PUS10: variants seen among roughly 807,000 people sequenced by gnomAD.
PUS10 encodes the protein pseudouridine synthase 10.
Under a neutral mutation model 75.0 loss-of-function variants are expected in PUS10, and 59 were observed. The ratio of observed to expected loss-of-function variants is 0.79; its 90% confidence interval spans 0.64 to 0.98. PUS10 has a LOEUF of 0.98. PUS10 is among the 50% of genes least tolerant of loss of function. The pLI is 0.00. For synonymous variants in PUS10, 219 were observed against 211.6 expected (o/e 1.03, Z -0.30); for missense variants, 650 against 614.4 (o/e 1.06, Z -0.61).
chr2:60,945,921 T>C (rs1000038355), intron 16 of PUS10, among the ~76,000 whole-genome samples: 1 of 152,216 alleles, frequency 6.6e-6, no homozygotes, highest in Non-Finnish European at 1.5e-5. Context: ...TAGAAAATAA[T>C]TAATGGAACT....
At chr2:60,961,997 A>G (rs1018540126) in intron 9 of PUS10, among the ~76,000 whole-genome samples, 5 of 152,268 alleles carry the variant, frequency 3.3e-5, no homozygotes, top group African/African-American at 1.2e-4. Context: ...GAAAACTTAC[A>G]GTAATATTTT....
chr2:60,973,184 A>G (rs1676798076), intron 4 of PUS10, among the ~76,000 whole-genome samples: 2 of 152,216 alleles, frequency 1.3e-5, no homozygotes, highest in Non-Finnish European at 2.9e-5. Context: ...GCACCCGGCC[A>G]AAGGCACAGC....
chr2:60,971,189 A>T (rs7605656), intron 5 of PUS10, among the ~76,000 whole-genome samples: 13,414 of 151,516 alleles, frequency 0.089, 1,878 homozygotes, highest in African/African-American at 0.3. Context: ...CAAAAAAAAA[A>T]AATAATAATA....
chr2:60,967,317 A>G (rs770092007), intron 6 of PUS10, 185 bp downstream of exon 6: 1 of 458,498 alleles, frequency 2.2e-6, no homozygotes, highest in Non-Finnish European at 3.8e-6. Flanking sequence ...TCTAAGGGAA[A>G]AAGAAAAAAA....
rs1674638830 is a variant in PUS10 at position 60,941,780 on chromosome 2, A to T, written c.*615T>A. ...CCTATATTGACAATTTTAGATTGTCAAAATTCTTTCTTAATGAAAGTATTA... is the reference window on the plus strand; with the variant it reads ...CCTATATTGACAATTTTAGATTGTCTAAATTCTTTCTTAATGAAAGTATTA... On this transcript the variant is annotated 3_prime_UTR_variant, in exon 18 of 18. Coordinates refer to ENST00000316752, the MANE Select transcript of PUS10 (RefSeq NM_144709.4). 6.6e-6 allele frequency: 1 copy of T among 152,328 alleles called. No homozygotes were observed. The highest frequency in any genetic ancestry group is 1.5e-5 in the Non-Finnish European group (1 of 68,034). The allele number at this position is 152,328 out of a possible 1,614,324, so 9.4% of individuals were successfully genotyped here.
intron 4 of PUS10, among the ~76,000 whole-genome samples, chr2:60,992,006 G>A (rs1678115598): frequency 6.6e-6 from 1 of 150,942 alleles, no homozygotes; most frequent in African/African-American, 2.4e-5. Context: ...TTACTCAACA[G>A]AAGCACTTTT....
At chr2:60,977,065 T>C (rs984043648) in intron 4 of PUS10, among the ~76,000 whole-genome samples, 5 of 152,178 alleles carry the variant, frequency 3.3e-5, no homozygotes, top group Admixed American at 6.5e-5. Flanking sequence ...ATGGGGCAGT[T>C]GAATAAGTGC....
intron 4 of PUS10, among the ~76,000 whole-genome samples, chr2:60,999,421 C>G (rs762273823): frequency 5.3e-5 from 8 of 152,040 alleles, no homozygotes; most frequent in Non-Finnish European, 1.0e-4. Flanking sequence ...TCGAGACCAG[C>G]CTTGGCAACA....
intron 4 of PUS10, among the ~76,000 whole-genome samples, chr2:60,986,559 T>G (rs956032849): frequency 2.2e-4 from 33 of 152,210 alleles, no homozygotes; most frequent in African/African-American, 7.7e-4. Context: ...TTTCTTAAAA[T>G]TATATGAATT....
chr2:60,943,369 G>A (rs931914919), intron 17 of PUS10, among the ~76,000 whole-genome samples: 1 of 151,058 alleles, frequency 6.6e-6, no homozygotes, highest in African/African-American at 2.4e-5. Flanking sequence ...ACAAAACCTT[G>A]ATCTTTGAGT....
intron 4 of PUS10, among the ~76,000 whole-genome samples, chr2:60,984,514 A>T (rs951402681): frequency 6.6e-6 from 1 of 152,196 alleles, no homozygotes; most frequent in Non-Finnish European, 1.5e-5. Flanking sequence ...ACCTATCACA[A>T]TTCTAAATCT....
chr2:60,974,124 C>G (rs1029198451), intron 4 of PUS10, among the ~76,000 whole-genome samples: 2 of 151,858 alleles, frequency 1.3e-5, no homozygotes, highest in Admixed American at 1.3e-4. Context: ...GAGAGCTGAA[C>G]ACTTATCGGG....
chr2:60,998,848 T>C (rs1678658006), intron 4 of PUS10: 1 of 152,134 alleles, frequency 6.6e-6, no homozygotes. Context: ...GTAGAAATGG[T>C]AGTGCTTTTA....
chr2:61,009,575 T>C (rs914859617), intron 2 of PUS10, among the ~76,000 whole-genome samples: 1 of 152,180 alleles, frequency 6.6e-6, no homozygotes, highest in African/African-American at 2.4e-5. Context: ...TAGCATATGA[T>C]TACAAACCAT....
At chr2:60,994,093 C>A (rs749721771) in intron 4 of PUS10, among the ~76,000 whole-genome samples, 4 of 151,644 alleles carry the variant, frequency 2.6e-5, no homozygotes, top group Non-Finnish European at 5.9e-5. Flanking sequence ...CCGGCCAGAT[C>A]GACACTTCGT....
chr2:60,972,835 A>C (rs1371177002), intron 4 of PUS10, among the ~76,000 whole-genome samples: 1 of 152,228 alleles, frequency 6.6e-6, no homozygotes, highest in Non-Finnish European at 1.5e-5. Flanking sequence ...AAGACTGATG[A>C]TCACTTGGAA....
chr2:60,981,334 G>T (rs1677376992), intron 4 of PUS10, among the ~76,000 whole-genome samples: 1 of 152,046 alleles, frequency 6.6e-6, no homozygotes, highest in South Asian at 2.1e-4. Flanking sequence ...CCAGGCTGGA[G>T]TGCAACAGCA....
chr2:60,999,085 GAA>G (rs1476780459), intron 4 of PUS10, among the ~76,000 whole-genome samples: 10 of 152,238 alleles, frequency 6.6e-5, no homozygotes, highest in South Asian at 2.1e-4. Flanking sequence ...CACTACCCAT[GAA>G]AAGAGACCAA....
chr2:60,955,433 A>C (rs1322745188), intron 11 of PUS10, among the ~76,000 whole-genome samples: 4 of 152,038 alleles, frequency 2.6e-5, no homozygotes. Flanking sequence ...GGGCCCAATC[A>C]ATCCTCTTGT....
Sources: allele counts gnomAD v4.1 joint callset (sites outside exome capture counted in the v4.1 genomes callset), GRCh38; gene constraint gnomAD v4.1.1; transcripts MANE v1.5; gene names NCBI Gene and HGNC (gene_info 2026-07-23, HGNC 2026-07-21).